The following SPEN variants were observed in gnomAD, a reference collection of about 807,000 sequenced individuals.
SPEN encodes the protein spen family transcriptional repressor, also known as msx2-interacting protein.
SPEN carries 18 observed loss-of-function variants against 269.9 expected under a neutral mutation model. The observed-to-expected ratio is 0.07, with a 90% CI of 0.05 to 0.10. The LOEUF is 0.10. Among genes scored for constraint, SPEN ranks in the 10% least tolerant of loss-of-function variants. SPEN has a pLI of 1.00. For synonymous variants in SPEN, 1,726 were observed against 1,765.7 expected, an observed-to-expected ratio of 0.98 and a Z score of 0.56; for missense variants, 3,822 against 4,631.2, an observed-to-expected ratio of 0.83 and a Z score of 5.07.
chr1:15,887,084 T>C (rs2070742683), intron 3 of SPEN, among the ~76,000 whole-genome samples: 1 of 151,794 alleles, frequency 6.6e-6, no homozygotes, highest in African/African-American at 2.4e-5. Context: ...CAAGCTATCA[T>C]TGCACCTGAG....
At chr1:15,891,364 T>C (rs982100791) in intron 3 of SPEN, among the ~76,000 whole-genome samples, 4 of 151,410 alleles carry the variant, frequency 2.6e-5, no homozygotes, top group African/African-American at 4.9e-5. Flanking sequence ...TTTTTTTTTT[T>C]TTTTTGAGAT....
chr1:15,872,292 A>T (rs2070585516), intron 1 of SPEN, among the ~76,000 whole-genome samples: 1 of 148,516 alleles, frequency 6.7e-6, no homozygotes, highest in African/African-American at 2.5e-5. Flanking sequence ...AGTTTTGTAA[A>T]TATTATATTT....
chr1:15,876,114 G>A, intron 2 of SPEN, 88 bp from the exon 3 acceptor site: 1 of 1,009,072 alleles, frequency 9.9e-7, no homozygotes, highest in African/African-American at 1.6e-5. Context: ...CAAAGACAAA[G>A]ACAATGCTGA....
intron 1 of SPEN, among the ~76,000 whole-genome samples, chr1:15,865,874 ATTT>A (rs1222860872): frequency 1.5e-5 from 2 of 137,798 alleles, no homozygotes; most frequent in Non-Finnish European, 3.2e-5. Flanking sequence ...AGGAGTTGTA[ATTT>A]TTTTTTTTTT....
chr1:15,899,520 A>G (rs2070878289), intron 3 of SPEN, among the ~76,000 whole-genome samples: 1 of 131,342 alleles, frequency 7.6e-6, no homozygotes, highest in Non-Finnish European at 1.6e-5. Flanking sequence ...GTGTGAAGTG[A>G]TGTATCATGT....
chr1:15,918,859 T>A, intron 6 of SPEN, 67 bp from the exon 7 acceptor site: 1 of 1,365,796 alleles, frequency 7.3e-7, no homozygotes. Flanking sequence ...ATACCCTATA[T>A]GGACTTGGTT....
intron 1 of SPEN, among the ~76,000 whole-genome samples, chr1:15,857,808 G>A (rs1427169514): frequency 1.3e-5 from 2 of 152,012 alleles, no homozygotes; most frequent in Non-Finnish European, 2.9e-5. Flanking sequence ...CTATAGGCAT[G>A]AGCCATAATG....
chr1:15,923,789 C>T (rs893876659), intron 10 of SPEN, among the ~76,000 whole-genome samples: 7 of 151,852 alleles, frequency 4.6e-5, no homozygotes, highest in African/African-American at 1.7e-4. Flanking sequence ...CCTGCCTCAG[C>T]CTCCCGAGTA....
Position 15,928,453 on chromosome 1 carries a change from G to C in SPEN, c.2213G>C (p.Gly738Ala), listed in dbSNP as rs777013611. 19 of 1,614,014 alleles carry C rather than the reference G, an allele frequency of 1.2e-5. No homozygotes were observed. In the South Asian group the frequency reaches 1.8e-4, roughly 15 times the overall value. ...PVHLRRPQSP[G>A]ASPSQAERLP... ...CACTTGCGACGTCCACAGAGTCCTG[G>C]AGCGTCTCCCTCTCAGGCAGAGAGG... Residue 738 changes from glycine to alanine, a missense_variant, in exon 11 of 15, where the codon GGA (glycine) becomes GCA (alanine). Physicochemically the swap from Gly to Ala is moderately conservative, Grantham distance 60. Coordinates refer to ENST00000375759, the MANE Select transcript of SPEN (RefSeq NM_015001.3). This position sits in a 1 kb window ranked among gnomAD's most constrained non-coding sequence, Gnocchi z 5.7.
intron 3 of SPEN, among the ~76,000 whole-genome samples, chr1:15,883,934 C>T (rs866462134): frequency 2.6e-5 from 4 of 151,268 alleles, no homozygotes; most frequent in African/African-American, 9.7e-5. Flanking sequence ...CTCAGCCTCC[C>T]GAGTAGCTGG....
At chr1:15,886,298 C>G (rs1028924480) in intron 3 of SPEN, among the ~76,000 whole-genome samples, 3 of 152,150 alleles carry the variant, frequency 2.0e-5, no homozygotes, top group Non-Finnish European at 4.4e-5. Flanking sequence ...GCTCTGGAAG[C>G]AGATGAGAAG....
chr1:15,933,237 C>T lies in SPEN; in HGVS notation c.6997C>T (p.Gln2333Ter). 1 of 1,614,100 alleles carries T rather than the reference C, an allele frequency of 6.2e-7. No individual in the cohort carries two copies. ...VTLVRKDKGR[Q>*]KTTRSRRKRN... The stretch of plus-strand genomic sequence containing the variant: ...TCTTGTTCGGAAAGACAAAGGGCGC[C>T]AGAAAACAACCCGATCACGCCGCAA... The change falls in exon 11 of 15, where the codon CAG (glutamine) becomes TAG (stop). Residue 2333 changes from glutamine to a stop codon, truncating the protein, a stop_gained. Coordinates refer to ENST00000375759, the MANE Select transcript of SPEN (RefSeq NM_015001.3). LOFTEE classifies it high-confidence loss of function. This position sits in a 1 kb window ranked among gnomAD's most constrained non-coding sequence, Gnocchi z 5.7.
At chr1:15,875,618 T>C (rs1469598454) in intron 2 of SPEN, among the ~76,000 whole-genome samples, 2 of 152,162 alleles carry the variant, frequency 1.3e-5, no homozygotes, top group Non-Finnish European at 2.9e-5. Flanking sequence ...CTATGTAGTC[T>C]AGTTTATGTA....
At chr1:15,901,188 TAA>T (rs986794679) in intron 3 of SPEN, among the ~76,000 whole-genome samples, 5 of 138,754 alleles carry the variant, frequency 3.6e-5, no homozygotes, top group African/African-American at 2.6e-5. Flanking sequence ...CCTCGTCCCT[TAA>T]AAAAAAAAAA....
In SPEN at chr1:15,936,198, C is replaced by G. The variant is rs1320207300; in HGVS notation, c.9958C>G (p.Leu3320Val). ...CCGCACCTACCACCCCCCGGCCCAG[C>G]TCACACACACTCAGTTTCCCGCCGC... ...DIRTYHPPAQLTHTQFPAASS... is the reference protein window; with the variant it reads ...DIRTYHPPAQVTHTQFPAASS... The change falls in exon 11 of 15, where the codon CTC (leucine) becomes GTC (valine). Residue 3320 changes from leucine to valine, a missense_variant. Physicochemically the swap from Leu to Val is conservative, Grantham distance 32 (BLOSUM62 1). This residue lies in a region of SPEN where 359 missense variants were observed against 377.3 expected (regional missense o/e 0.95). Coordinates refer to ENST00000375759, the MANE Select transcript of SPEN (RefSeq NM_015001.3). The G allele has an allele frequency of 1.3e-6, 2 of 1,579,890 alleles. No individual in the cohort carries two copies. The highest frequency in any genetic ancestry group is 1.7e-5 in the Admixed American group (1 of 58,026).
intron 1 of SPEN, among the ~76,000 whole-genome samples, chr1:15,869,307 G>C (rs934731812): frequency 3.3e-5 from 5 of 151,964 alleles, no homozygotes; most frequent in African/African-American, 1.2e-4. Context: ...TGCCTGCCTT[G>C]GCCCTCCCAA....
chr1:15,918,293 A>G (rs980710086), intron 6 of SPEN, among the ~76,000 whole-genome samples: 2 of 152,394 alleles, frequency 1.3e-5, no homozygotes, highest in South Asian at 2.1e-4. Context: ...ATCTTGGCTT[A>G]CCGCAACCTC....
intron 5 of SPEN, 29 bp downstream of exon 5, chr1:15,911,330 TAC>T (rs2071009680): frequency 6.3e-6 from 10 of 1,579,842 alleles, no homozygotes; most frequent in Non-Finnish European, 8.7e-6. Context: ...GAGTTTGAGT[TAC>T]TCATCACACA....
In SPEN at chr1:15,939,982, A is replaced by T. The variant is rs2071325016; in HGVS notation, c.*555A>T. Reference sequence around the variant, plus strand: ...CTTGCTCATTTGGATGCGTCACCTTAATTCTCCTGCTGCCACCGTCTTTGA... The same window carrying T: ...CTTGCTCATTTGGATGCGTCACCTTTATTCTCCTGCTGCCACCGTCTTTGA... On this transcript the variant is annotated 3_prime_UTR_variant, in exon 15 of 15. Coordinates refer to ENST00000375759, the MANE Select transcript of SPEN (RefSeq NM_015001.3). The surrounding 1 kb of genome is among the most constrained non-coding windows in gnomAD (Gnocchi z 4.1). 4.3e-6 allele frequency: 1 copy of T among 231,610 alleles called. No individual in the cohort carries two copies. Among genetic ancestry groups the T allele is most frequent in the South Asian group, 1.8e-4 (1 of 5,490 alleles). The allele number at this position is 231,610 out of a possible 1,614,324, so 14.3% of individuals were successfully genotyped here.
Sources: allele counts gnomAD v4.1 joint callset (sites outside exome capture counted in the v4.1 genomes callset), GRCh38; gene constraint gnomAD v4.1.1; regional missense constraint gnomAD v4.1.1; non-coding constraint Gnocchi (gnomAD v3.1); transcripts MANE v1.5; gene names NCBI Gene and HGNC (gene_info 2026-07-23, HGNC 2026-07-21).